ATP8B3: variants seen among roughly 807,000 people sequenced by gnomAD.
ATP8B3 encodes phospholipid-transporting ATPase IK.
ATP8B3 carries 141 observed loss-of-function variants against 140.9 expected under a neutral mutation model. The ratio of observed to expected loss-of-function variants is 1.00; its 90% CI spans 0.87 to 1.15. ATP8B3 has a LOEUF of 1.15. ATP8B3 is among the 50% of genes most tolerant of loss of function. The probability of loss-of-function intolerance (pLI) is 0.00; values close to 1 mark genes in which losing one functional copy is unlikely to be tolerated. For synonymous variants in ATP8B3, 765 were observed against 714.6 expected (o/e 1.07, Z -1.13); for missense variants, 1,874 against 1,740.6 (o/e 1.08, Z -1.36).
intron 14 of ATP8B3, chr19:1,799,560 G>A: frequency 4.8e-6 from 2 of 415,914 alleles, no homozygotes; most frequent in Admixed American, 4.3e-5. Context: ...GAGGCCAGGA[G>A]TTCGAGACCA....
chr19:1,808,300 G>C lies in ATP8B3; in HGVS notation c.438C>G (p.Tyr146Ter), dbSNP rs767740529. The C allele has an allele frequency of 1.2e-6, 2 of 1,612,996 alleles. No individual in the cohort carries two copies. Among genetic ancestry groups the C allele is most frequent in the South Asian group, 2.2e-5 (2 of 91,042 alleles). The change falls in exon 5 of 29, where the codon TAC becomes TAG. Residue 146 changes from tyrosine (Y) to a stop codon, truncating the protein, a stop_gained. Coordinates refer to ENST00000310127, the MANE Select transcript of ATP8B3 (RefSeq NM_138813.4). LOFTEE classifies it high-confidence loss of function. ...NVIRTAKYNF[Y>*]SFLPLNLYEQ... Reference sequence around the variant, plus strand: ...CGTACAGGTTCAGCGGCAGGAACGAGTAGAAGTTGTACTTGGCCGTGCGGA... The same window carrying C: ...CGTACAGGTTCAGCGGCAGGAACGACTAGAAGTTGTACTTGGCCGTGCGGA...
Position 1,789,691 on chromosome 19 carries a change from C to A in ATP8B3, c.2515G>T (p.Ala839Ser), listed in dbSNP as rs745445267. The change falls in exon 23 of 29, where the codon GCC becomes TCC. Residue 839 changes from alanine to serine, a missense_variant. This residue lies in a region of ATP8B3 where 840 missense variants were observed against 760.9 expected (regional missense o/e 1.10). Transcript: ENST00000310127. ...LLVSLRKEPRALAQNVNMDEA... is the reference protein window; with the variant it reads ...LLVSLRKEPRSLAQNVNMDEA... ...TCCATGTTCACGTTCTGCGCCAGGG[C>A]GCGCGGCTCCTTCCGCAGGGACACC... The A allele has an allele frequency of 3.1e-6, 5 of 1,589,262 alleles. No individual in the cohort carries two copies. In the Admixed American group the frequency reaches 5.2e-5, roughly 16 times the overall value.
In ATP8B3 at chr19:1,791,838, C is replaced by A; in HGVS notation, c.2214G>T (p.Glu738Asp). 2 of 1,611,414 alleles carry A rather than the reference C, an allele frequency of 1.2e-6. No individual in the cohort carries two copies. Among genetic ancestry groups the A allele is most frequent in the South Asian group, 2.2e-5 (2 of 91,082 alleles). The stretch of plus-strand genomic sequence containing the variant: ...CAGGGACACCGTCCTGGAGTCTGTC[C>A]TCGATGGCTGTGGCTCCCAGCAGCT... ...LQQLLGATAI[E>D]DRLQDGVPET... The change falls in exon 20 of 29, where the codon GAG (glutamate) becomes GAT (aspartate). Residue 738 changes from glutamate to aspartate, a missense_variant. Glu to Asp is a conservative substitution (Grantham distance 45). Around this residue, in one of 3 missense-constraint regions of ATP8B3, gnomAD observed 840 missense variants for 760.9 expected, o/e 1.10. Transcript: ENST00000310127.
At chr19:1,802,138 C>T (rs559731044) in intron 11 of ATP8B3, 94 bp from the exon 12 acceptor site, 1 of 852,080 alleles carries the variant, frequency 1.2e-6, no homozygotes, top group South Asian at 1.7e-5. Flanking sequence ...CCCACTCATC[C>T]ACCCACCTAC....
At chr19:1,796,583 A>G in intron 16 of ATP8B3, 128 bp downstream of exon 16, 1 of 1,249,588 alleles carries the variant, frequency 8.0e-7, no homozygotes, top group Non-Finnish European at 1.1e-6. Context: ...CTGGTGTCAC[A>G]CCGGCCTCAG....
rs573946350 is a variant in ATP8B3 at position 1,806,280 on chromosome 19, C to T, written c.678-111G>A. Reference sequence around the variant, plus strand: ...GGCCCGCAGCTGCAGTCCCCACCTCCGGGCCTTTGCCCCCTCAGGAAGCCT... The same window carrying T: ...GGCCCGCAGCTGCAGTCCCCACCTCTGGGCCTTTGCCCCCTCAGGAAGCCT... On this transcript the variant is annotated intron_variant, in intron 7 of 28. Transcript: ENST00000310127. The surrounding 1 kb of genome is among the most constrained non-coding windows in gnomAD (Gnocchi z 5.6). The T allele has an allele frequency of 1.6e-4, 244 of 1,507,772 alleles. 2 individuals carry two copies. In the South Asian group the frequency reaches 1.9e-3, roughly 12 times the overall value. 93.4% of individuals were successfully genotyped at this position (1,507,772 alleles called of 1,614,324 possible). A position where few individuals can be genotyped will look rare whatever the true frequency, so the allele number is the denominator to read the frequency against.
intron 4 of ATP8B3, 79 bp from the exon 5 acceptor site, chr19:1,808,414 C>A (rs2069093436): frequency 2.0e-6 from 2 of 976,568 alleles, no homozygotes; most frequent in Admixed American, 4.0e-5. Context: ...GCCAGACCTG[C>A]CTCACTTGGC....
At position 1,806,568 on chromosome 19, in the gene ATP8B3, A is replaced by G. The variant is rs73916811; in HGVS notation, c.677+60T>C. On this transcript the variant is annotated intron_variant, in intron 7 of 28. Transcript: ENST00000310127. This position sits in a 1 kb window ranked among gnomAD's most constrained non-coding sequence, Gnocchi z 5.6. ...TGATGGACACTTGCCGAGGCCGATG[A>G]CCCTGCTGGGCTGGAGCCCCCGTGT... The G allele has an allele frequency of 1.0e-3, 1,583 of 1,547,772 alleles. 9 individuals are homozygous for G. In the African/African-American group the frequency reaches 0.02, roughly 19 times the overall value.
chr19:1,784,932 C>A lies in ATP8B3; in HGVS notation c.3547G>T (p.Val1183Leu). The change falls in exon 28 of 29, where the codon GTG (valine) becomes TTG (leucine). Residue 1183 changes from valine to leucine, a missense_variant. Physicochemically the swap from Val to Leu is conservative, Grantham distance 32. Around this residue, in one of 3 missense-constraint regions of ATP8B3, gnomAD observed 840 missense variants for 760.9 expected, o/e 1.10. Coordinates refer to ENST00000310127, the MANE Select transcript of ATP8B3 (RefSeq NM_138813.4). ...AGCAGGATGGAGGGAGAGGACATCA[C>A]GCTGAGGTCGGCATCTGGGGACAGG... ...TFPFLYADLS[V>L]MSSPSILLVV... 2 of 1,610,950 alleles carry A rather than the reference C, an allele frequency of 1.2e-6. No individual in the cohort carries two copies. The highest frequency in any genetic ancestry group is 1.7e-6 in the Non-Finnish European group (2 of 1,178,508).
At chr19:1,810,597 C>A in intron 3 of ATP8B3, 25 bp downstream of exon 3, 1 of 1,608,832 alleles carries the variant, frequency 6.2e-7, no homozygotes. Context: ...CCACCTGCAC[C>A]GCCCCCTCTG....
chr19:1,791,021 T>C (rs991731522), intron 20 of ATP8B3, among the ~76,000 whole-genome samples, 189 bp from the exon 21 acceptor site: 8 of 152,174 alleles, frequency 5.3e-5, no homozygotes, highest in Non-Finnish European at 1.2e-4. Flanking sequence ...CCCTGAGATT[T>C]TGGCTGTAGT....
At position 1,789,650 on chromosome 19, in the gene ATP8B3, C is replaced by A. The variant is rs1397652692; in HGVS notation, c.2556G>T (p.Glu852Asp). Residue 852 changes from glutamate to aspartate, a missense_variant, in exon 23 of 29, where the codon GAG becomes GAT. Glu to Asp is a conservative substitution (Grantham distance 45). This residue lies in a region of ATP8B3 where 840 missense variants were observed against 760.9 expected (regional missense o/e 1.10). Transcript: ENST00000310127. ...GGAAATCCCTCCTGGACTGGCCGAG[C>A]TCCTGCCACGCCTCGTCCATGTTCA... ...QNVNMDEAWQ[E>D]LGQSRRDFLY... 1.3e-6 allele frequency: 2 copies of A among 1,599,518 alleles called. No homozygotes were observed. Among genetic ancestry groups the A allele is most frequent in the East Asian group, 2.2e-5 (1 of 44,568 alleles).
rs1239155073 is a variant in ATP8B3, at chr19:1,788,949, G to T, written c.3017C>A (p.Ala1006Asp). The change falls in exon 24 of 29, where the codon GCC becomes GAC. Residue 1006 changes from alanine (A) to aspartate (D), a missense_variant. Physicochemically the swap from Ala to Asp is moderately radical, Grantham distance 126 (BLOSUM62 -2). Coordinates refer to ENST00000310127, the MANE Select transcript of ATP8B3 (RefSeq NM_138813.4). ...AAACCAGACCTGCACCATCATGCTG[G>T]CCATGCTCTTGTAGAAGAAGTAGCG... ...FLRYFFYKSM[A>D]SMMVQVWFAC... is the part of the protein sequence containing the mutation. 3 of 1,608,074 alleles carry T rather than the reference G, an allele frequency of 1.9e-6. No individual in the cohort carries two copies. Among genetic ancestry groups the T allele is most frequent in the Non-Finnish European group, 2.5e-6 (3 of 1,177,660 alleles).
At position 1,784,944 on chromosome 19, in the gene ATP8B3, C is replaced by A. The variant is rs577438787; in HGVS notation, c.3535G>T (p.Ala1179Ser). 5.0e-6 allele frequency: 8 copies of A among 1,608,698 alleles called. No homozygotes were observed. In the East Asian group the frequency reaches 6.7e-5, roughly 13 times the overall value. ...GGAGAGGACATCACGCTGAGGTCGG[C>A]ATCTGGGGACAGGGCGGGGTCACAG... is the stretch of plus-strand genomic sequence containing the variant. ...VSPTTFPFLYADLSVMSSPSI... is the reference protein window; with the variant it reads ...VSPTTFPFLYSDLSVMSSPSI... Residue 1179 changes from alanine to serine, a missense_variant and splice_region_variant, in exon 28 of 29, where the codon GCC becomes TCC. Ala to Ser is a moderately conservative substitution (Grantham distance 99, BLOSUM62 1). Coordinates refer to ENST00000310127, the MANE Select transcript of ATP8B3 (RefSeq NM_138813.4).
intron 3 of ATP8B3, 127 bp from the exon 4 acceptor site, chr19:1,809,861 C>T (rs2069138060): frequency 1.2e-6 from 1 of 810,982 alleles, no homozygotes; most frequent in South Asian, 1.5e-5. Flanking sequence ...ATGTCAGAGC[C>T]CGTAAACAGA....
rs762405043 is a variant in ATP8B3, at chr19:1,805,259, G to A, written c.904+115C>T. On this transcript the variant is annotated intron_variant, in intron 10 of 28. Transcript: ENST00000310127. The surrounding 1 kb of genome is among the most constrained non-coding windows in gnomAD (Gnocchi z 5.2). ...CAAAGTGCTGGGATTCCAGGTGTGAGCCACTGGGCCTGGCCAGCACCTTGT... is the reference window on the plus strand; with the variant it reads ...CAAAGTGCTGGGATTCCAGGTGTGAACCACTGGGCCTGGCCAGCACCTTGT... 2.7e-5 allele frequency: 28 copies of A among 1,024,484 alleles called. No individual in the cohort carries two copies. The highest frequency in any genetic ancestry group is 6.4e-5 in the African/African-American group (4 of 62,758). 63.5% of individuals were successfully genotyped at this position (1,024,484 alleles called of 1,614,324 possible).
At chr19:1,795,689 C>T (rs559603358) in intron 18 of ATP8B3, among the ~76,000 whole-genome samples, 186 bp downstream of exon 18, 1 of 151,496 alleles carries the variant, frequency 6.6e-6, no homozygotes, top group East Asian at 1.9e-4. Flanking sequence ...TTGTACAGTG[C>T]ACAACATACC....
Position 1,805,594 on chromosome 19 carries a change from C to A in ATP8B3, c.822-138G>T. On this transcript the variant is annotated intron_variant, in intron 9 of 28. Transcript: ENST00000310127. This position sits in a 1 kb window ranked among gnomAD's most constrained non-coding sequence, Gnocchi z 5.2. ...CAGCTGCCAGTCAGATGGCTGAGGC[C>A]CAGAGAGGGAGAAGGCCTTGCCCAA... is the stretch of plus-strand genomic sequence containing the variant. 1 of 843,984 alleles carries A rather than the reference C, an allele frequency of 1.2e-6. No individual in the cohort carries two copies. Among genetic ancestry groups the A allele is most frequent in the East Asian group, 2.6e-5 (1 of 37,780 alleles). 52.3% of individuals were successfully genotyped at this position (843,984 alleles called of 1,614,324 possible).
chr19:1,785,134 G>C (rs369463834), intron 27 of ATP8B3, 25 bp downstream of exon 27: 1 of 1,528,566 alleles, frequency 6.5e-7, no homozygotes, highest in African/African-American at 1.4e-5. Context: ...ACGACCGCCC[G>C]TCCCACTTCC....
Sources: allele counts gnomAD v4.1 joint callset (sites outside exome capture counted in the v4.1 genomes callset), GRCh38; gene constraint gnomAD v4.1.1; regional missense constraint gnomAD v4.1.1; non-coding constraint Gnocchi (gnomAD v3.1); transcripts MANE v1.5; gene names NCBI Gene and HGNC (gene_info 2026-07-23, HGNC 2026-07-21).